PXK: variants seen among roughly 807,000 people sequenced by gnomAD.
PXK encodes the protein PX domain-containing protein kinase-like protein.
A neutral mutation model predicts 84.7 loss-of-function variants in PXK; 35 were observed. The observed-to-expected ratio is 0.41, with a 90% confidence interval of 0.32 to 0.55. The LOEUF (loss-of-function observed/expected upper bound fraction) is 0.55. PXK is among the 20% of genes least tolerant of loss of function. PXK has a pLI of 0.21. For synonymous variants in PXK, 253 were observed against 260.8 expected (o/e 0.97, Z 0.29); for missense variants, 634 against 699.7 (o/e 0.91, Z 1.06).
chr3:58,391,030 C>A, intron 5 of PXK, 117 bp from the exon 6 acceptor site: 2 of 704,008 alleles, frequency 2.8e-6, no homozygotes, highest in East Asian at 2.6e-5. Flanking sequence ...TTACTTGTGC[C>A]TATGTAGCTG....
At chr3:58,351,366 T>C (rs2097919104) in intron 1 of PXK, among the ~76,000 whole-genome samples, 1 of 151,338 alleles carries the variant, frequency 6.6e-6, no homozygotes, top group Non-Finnish European at 1.5e-5. Context: ...TAGCTGAGAC[T>C]ACAGGTGTGC....
At chr3:58,337,474 A>T (rs1040761690) in intron 1 of PXK, among the ~76,000 whole-genome samples, 1 of 151,880 alleles carries the variant, frequency 6.6e-6, no homozygotes, top group African/African-American at 2.4e-5. Context: ...TTGGATTCCA[A>T]GGTCTTTTTT....
intron 17 of PXK, chr3:58,420,777 C>A: frequency 7.3e-7 from 1 of 1,370,048 alleles, no homozygotes; most frequent in Non-Finnish European, 9.4e-7. Context: ...TTCATCATGA[C>A]CTTCAAAATC....
rs2061934860 is a variant in PXK, at chr3:58,421,906, C to G, written c.1529-2846C>G. 2.0e-6 allele frequency: 2 copies of G among 985,394 alleles called. No homozygotes were observed. Among genetic ancestry groups the G allele is most frequent in the Non-Finnish European group, 2.4e-6 (2 of 829,926 alleles). 61.0% of individuals were successfully genotyped at this position (985,394 alleles called of 1,614,324 possible). ...GGGTGCAAATTCAGGTATCATAAGT[C>G]TAACATGGAATCGGTCTGCTCTCAT... On this transcript the variant is annotated intron_variant, in intron 17 of 17. Transcript: ENST00000356151. This position sits in a 1 kb window ranked among gnomAD's most constrained non-coding sequence, Gnocchi z 5.5.
At chr3:58,358,881 C>G (rs1256719808) in intron 1 of PXK, among the ~76,000 whole-genome samples, 2 of 152,200 alleles carry the variant, frequency 1.3e-5, no homozygotes, top group African/African-American at 4.8e-5. Context: ...GCTGCTACTG[C>G]TTCCCATATG....
rs2098513726 is a variant in PXK at position 58,382,548 on chromosome 3, AATTG to A, written c.241_244del (p.Ile81ValfsTer8). 6.3e-7 allele frequency: 1 copy of A among 1,589,418 alleles called. No individual in the cohort carries two copies. Among genetic ancestry groups the A allele is most frequent in the African/African-American group, 1.4e-5 (1 of 73,284 alleles). On this transcript the variant is annotated frameshift_variant, in exon 4 of 18. Coordinates refer to ENST00000356151, the MANE Select transcript of PXK (RefSeq NM_017771.5). LOFTEE classifies it high-confidence loss of function. ...CTAAGTCTACCTCTTCCTCCCAAAAAATTGATTGGTAACATGGATCGTGAATTCA... is the reference window on the plus strand; with the variant it reads ...CTAAGTCTACCTCTTCCTCCCAAAAAATTGGTAACATGGATCGTGAATTCA...
intron 1 of PXK, among the ~76,000 whole-genome samples, chr3:58,342,202 C>T (rs934882200): frequency 2.0e-5 from 3 of 152,088 alleles, no homozygotes; most frequent in African/African-American, 4.8e-5. Flanking sequence ...TTTAGCTCTT[C>T]GGGCCCAACT....
chr3:58,336,331 C>T (rs2097609074), intron 1 of PXK, among the ~76,000 whole-genome samples: 1 of 151,962 alleles, frequency 6.6e-6, no homozygotes, highest in South Asian at 2.1e-4. Context: ...ACCAGAAAGG[C>T]ATATTTGGAT....
chr3:58,346,098 C>G (rs1385392274), intron 1 of PXK, among the ~76,000 whole-genome samples: 1 of 152,162 alleles, frequency 6.6e-6, no homozygotes, highest in Non-Finnish European at 1.5e-5. Flanking sequence ...TTCCTGCCTT[C>G]TTTGTTCATT....
At chr3:58,362,768 C>T (rs1293062033) in intron 1 of PXK, among the ~76,000 whole-genome samples, 2 of 152,190 alleles carry the variant, frequency 1.3e-5, no homozygotes, top group African/African-American at 4.8e-5. Context: ...GGCTGGAGTG[C>T]AGTGGCATGA....
intron 3 of PXK, among the ~76,000 whole-genome samples, chr3:58,375,586 G>T (rs1466075999): frequency 6.6e-6 from 1 of 152,142 alleles, no homozygotes; most frequent in African/African-American, 2.4e-5. Flanking sequence ...CACGACCAAG[G>T]CCACTGTGTG....
At chr3:58,393,086 T>C (rs1192353989) in intron 7 of PXK, among the ~76,000 whole-genome samples, 6 of 152,102 alleles carry the variant, frequency 3.9e-5, no homozygotes, top group African/African-American at 1.4e-4. Flanking sequence ...TGGTGGCTCA[T>C]GCCTGTAATC....
At position 58,410,071 on chromosome 3, in the gene PXK, T is replaced by G; in HGVS notation, c.1396-19T>G. ...TTGCTTTCCTCTCCCTCCCTCCCCCTTTTCTTTTATTCTTAAAGAAGTCAA... is the reference window on the plus strand; with the variant it reads ...TTGCTTTCCTCTCCCTCCCTCCCCCGTTTCTTTTATTCTTAAAGAAGTCAA... On this transcript the variant is annotated intron_variant, in intron 15 of 17. Coordinates refer to ENST00000356151, the MANE Select transcript of PXK (RefSeq NM_017771.5). 6.6e-7 allele frequency: 1 copy of G among 1,525,708 alleles called. No individual in the cohort carries two copies. Among genetic ancestry groups the G allele is most frequent in the South Asian group, 1.1e-5 (1 of 89,158 alleles). 94.5% of individuals were successfully genotyped at this position (1,525,708 alleles called of 1,614,324 possible). A position where few individuals can be genotyped will look rare whatever the true frequency, so the allele number is the denominator to read the frequency against.
At chr3:58,420,670 G>A in intron 17 of PXK, 1 of 1,518,796 alleles carries the variant, frequency 6.6e-7, no homozygotes. Context: ...TGAACAAGTG[G>A]GAAAGCAGAT....
At chr3:58,388,882 C>G (rs1160178052) in intron 4 of PXK, among the ~76,000 whole-genome samples, 1 of 152,064 alleles carries the variant, frequency 6.6e-6, no homozygotes, top group Non-Finnish European at 1.5e-5. Flanking sequence ...TACTGAATCC[C>G]TCATGCCTCA....
intron 1 of PXK, among the ~76,000 whole-genome samples, chr3:58,348,877 A>G (rs2097867951): frequency 1.3e-5 from 2 of 152,004 alleles, no homozygotes; most frequent in Admixed American, 1.3e-4. Flanking sequence ...GCACCACTGC[A>G]CTCCAGCCTA....
At position 58,357,289 on chromosome 3, in the gene PXK, A is replaced by C. The variant is rs555906356; in HGVS notation, c.103-8585A>C. 3.9e-5 allele frequency among the ~76,000 whole-genome samples: 6 copies of C among 152,030 alleles called. No individual in the cohort carries two copies. The East Asian group carries it at 9.7e-4, about 25-fold the overall frequency. On this transcript the variant is annotated intron_variant, in intron 1 of 17. Coordinates refer to ENST00000356151, the MANE Select transcript of PXK (RefSeq NM_017771.5). ...GCGAGACTCTGTCTCAAAAAAAAAAAACAAAAACTAAGACATAAACACACA... is the reference window on the plus strand; with the variant it reads ...GCGAGACTCTGTCTCAAAAAAAAAACACAAAAACTAAGACATAAACACACA...
At chr3:58,347,991 G>A (rs2097853008) in intron 1 of PXK, among the ~76,000 whole-genome samples, 1 of 152,088 alleles carries the variant, frequency 6.6e-6, no homozygotes, top group Admixed American at 6.6e-5. Context: ...TTGGCTCACC[G>A]CAACCTTCAC....
chr3:58,375,264 A>T (rs1276922218), intron 3 of PXK, among the ~76,000 whole-genome samples: 1 of 152,220 alleles, frequency 6.6e-6, no homozygotes, highest in East Asian at 1.9e-4. Context: ...ATCTGTCGAT[A>T]CTGGGTAATG....
Sources: allele counts gnomAD v4.1 joint callset (sites outside exome capture counted in the v4.1 genomes callset), GRCh38; gene constraint gnomAD v4.1.1; non-coding constraint Gnocchi (gnomAD v3.1); transcripts MANE v1.5; gene names NCBI Gene and HGNC (gene_info 2026-07-23, HGNC 2026-07-21).